The following CRYL1 variants were observed in gnomAD, a reference collection of about 807,000 sequenced individuals.
The protein encoded by CRYL1 is crystallin lambda 1, also known as lambda-crystallin homolog.
CRYL1 carries 29 observed loss-of-function variants against 36.6 expected under a neutral mutation model. The observed-to-expected ratio is 0.79, with a 90% CI of 0.59 to 1.08. CRYL1 has a LOEUF of 1.08. Ranked by LOEUF, CRYL1 falls within the 50% of genes least tolerant of loss-of-function variation. CRYL1 has a pLI of 0.00. For missense variants in CRYL1, 411 were observed against 407.9 expected, an observed-to-expected ratio of 1.01 and a Z score of -0.06; for synonymous variants, 152 against 151.5, an observed-to-expected ratio of 1.00 and a Z score of -0.02.
At chr13:20,404,307 T>C (rs1170079853) in intron 7 of CRYL1, 65 bp from the exon 8 acceptor site, 1 of 1,104,586 alleles carries the variant, frequency 9.1e-7, no homozygotes, top group Non-Finnish European at 1.4e-6. Flanking sequence ...AGTGTAATTA[T>C]TGCTCTTGTT....
chr13:20,481,084 C>T lies in CRYL1; in HGVS notation c.276+8286G>A, dbSNP rs528670751. On this transcript the variant is annotated intron_variant, in intron 3 of 7. Coordinates refer to ENST00000298248, the MANE Select transcript of CRYL1 (RefSeq NM_015974.3). The surrounding 1 kb of genome is among the most constrained non-coding windows in gnomAD (Gnocchi z 4.1). ...CTATTTGAATAAAGCAAGAGCAAGC[C>T]ATCAGAAAAGTAAGGGCTGTGGCAG... is the stretch of plus-strand genomic sequence containing the variant. Among the ~76,000 whole-genome samples the T allele has an allele frequency of 2.6e-5, 4 of 152,296 alleles. No homozygotes were observed. The South Asian group carries it at 8.3e-4, about 32-fold the overall frequency.
chr13:20,441,924 C>T (rs1283821835), intron 3 of CRYL1, among the ~76,000 whole-genome samples: 5 of 151,824 alleles, frequency 3.3e-5, no homozygotes, highest in Admixed American at 2.0e-4. Flanking sequence ...CACCACATCT[C>T]AAAGACAGAA....
At chr13:20,484,319 T>C (rs1272893469) in intron 3 of CRYL1, among the ~76,000 whole-genome samples, 1 of 151,976 alleles carries the variant, frequency 6.6e-6, no homozygotes, top group Admixed American at 6.6e-5. Flanking sequence ...AGCAGATGAG[T>C]GGTTGCAGCC....
chr13:20,460,266 T>A (rs2032779752), intron 3 of CRYL1, among the ~76,000 whole-genome samples: 1 of 152,216 alleles, frequency 6.6e-6, no homozygotes, highest in African/African-American at 2.4e-5. Flanking sequence ...TGTGTGTGTG[T>A]ATATACATAG....
intron 3 of CRYL1, among the ~76,000 whole-genome samples, chr13:20,452,468 G>A (rs780626542): frequency 4.6e-5 from 7 of 152,076 alleles, no homozygotes; most frequent in Non-Finnish European, 7.4e-5. Context: ...TACACTAAAC[G>A]GGTCAATTTT....
chr13:20,448,415 G>A (rs980952972), intron 3 of CRYL1, among the ~76,000 whole-genome samples: 11 of 152,126 alleles, frequency 7.2e-5, no homozygotes, highest in Admixed American at 4.6e-4. Flanking sequence ...CAAAACTAAT[G>A]AGAGTAACCA....
chr13:20,514,550 G>A (rs1019835499), intron 1 of CRYL1, among the ~76,000 whole-genome samples: 11 of 152,144 alleles, frequency 7.2e-5, no homozygotes, highest in Non-Finnish European at 1.5e-4. Flanking sequence ...TGGTATCCTA[G>A]AGGGGATCCT....
chr13:20,475,594 G>A (rs2033150268), intron 3 of CRYL1, among the ~76,000 whole-genome samples: 1 of 152,092 alleles, frequency 6.6e-6, no homozygotes, highest in South Asian at 2.1e-4. Context: ...TAAGAGTGTG[G>A]CACAGGACCT....
intron 3 of CRYL1, among the ~76,000 whole-genome samples, chr13:20,458,390 G>A (rs1392701941): frequency 1.3e-5 from 2 of 152,132 alleles, no homozygotes; most frequent in Non-Finnish European, 2.9e-5. Context: ...TAAAACAGGA[G>A]CTTGACTAAT....
intron 3 of CRYL1, among the ~76,000 whole-genome samples, chr13:20,486,923 TG>T (rs2033411980): frequency 6.6e-6 from 1 of 152,222 alleles, no homozygotes; most frequent in Non-Finnish European, 1.5e-5. Context: ...GTGCTTTACA[TG>T]CCTTCTAAAT....
intron 5 of CRYL1, among the ~76,000 whole-genome samples, chr13:20,413,943 G>C (rs2031588856): frequency 6.6e-6 from 1 of 152,136 alleles, no homozygotes; most frequent in Non-Finnish European, 1.5e-5. Flanking sequence ...CGGAGGCTGA[G>C]GTGGGGGATC....
intron 1 of CRYL1, among the ~76,000 whole-genome samples, chr13:20,522,124 C>G (rs909964099): frequency 6.6e-6 from 1 of 152,086 alleles, no homozygotes; most frequent in Non-Finnish European, 1.5e-5. Flanking sequence ...CTAGGGTGGG[C>G]GGATCAGTTG....
intron 2 of CRYL1, among the ~76,000 whole-genome samples, chr13:20,495,173 C>T (rs1192174257): frequency 6.6e-6 from 1 of 152,224 alleles, no homozygotes; most frequent in Non-Finnish European, 1.5e-5. Context: ...AGAAGACGTA[C>T]ATAAACACCT....
intron 2 of CRYL1, among the ~76,000 whole-genome samples, chr13:20,497,147 A>C (rs1213463606): frequency 6.6e-6 from 1 of 152,094 alleles, no homozygotes; most frequent in Non-Finnish European, 1.5e-5. Context: ...ACTACTAAAG[A>C]AATCCAACCA....
chr13:20,439,729 A>G lies in CRYL1; in HGVS notation c.302T>C (p.Leu101Pro). 1 of 1,614,146 alleles carries G rather than the reference A, an allele frequency of 6.2e-7. No homozygotes were observed. The highest frequency in any genetic ancestry group is 8.5e-7 in the Non-Finnish European group (1 of 1,180,004). Residue 101 changes from leucine to proline, a missense_variant, in exon 4 of 8, where the codon CTG becomes CCG. Leu to Pro is a moderately conservative substitution (Grantham distance 98). Coordinates refer to ENST00000298248, the MANE Select transcript of CRYL1 (RefSeq NM_015974.3). ...TAACTGAGCAAAAATCTTCTTCTTC[A>G]GTTCTAGATCTTCTGGAACACATTC... is the stretch of plus-strand genomic sequence containing the variant. ...IQECVPEDLE[L>P]KKKIFAQLDS... is the part of the protein sequence containing the mutation.
intron 3 of CRYL1, among the ~76,000 whole-genome samples, chr13:20,460,937 G>T (rs1051162574): frequency 6.6e-6 from 1 of 152,168 alleles, no homozygotes; most frequent in African/African-American, 2.4e-5. Context: ...CACACAAAGG[G>T]CTCGTGTAGG....
intron 3 of CRYL1, among the ~76,000 whole-genome samples, chr13:20,461,191 T>C (rs1344630523): frequency 6.6e-6 from 1 of 152,266 alleles, no homozygotes; most frequent in Admixed American, 6.5e-5. Context: ...ATTTGTCTTT[T>C]TCTTACTGAG....
intron 3 of CRYL1, among the ~76,000 whole-genome samples, chr13:20,474,199 G>A (rs12431239): frequency 0.015 from 2,278 of 152,232 alleles, 186 homozygotes; most frequent in Admixed American, 0.13. Context: ...TTAAGATGCT[G>A]ACAATATATT....
At chr13:20,448,851 C>T (rs181952857) in intron 3 of CRYL1, among the ~76,000 whole-genome samples, 130 of 152,262 alleles carry the variant, frequency 8.5e-4, no homozygotes, top group African/African-American at 2.8e-3. Context: ...TGATATCAGA[C>T]AGAAAATTGG....
Sources: allele counts gnomAD v4.1 joint callset (sites outside exome capture counted in the v4.1 genomes callset), GRCh38; gene constraint gnomAD v4.1.1; non-coding constraint Gnocchi (gnomAD v3.1); transcripts MANE v1.5; gene names NCBI Gene and HGNC (gene_info 2026-07-23, HGNC 2026-07-21).